Variants in MACROD2 observed in about 807,000 individuals in gnomAD.
MACROD2 encodes ADP-ribose glycohydrolase MACROD2.
Under a neutral mutation model 70.4 loss-of-function variants are expected in MACROD2, and 36 were observed. The observed-to-expected ratio is 0.51, with a 90% CI of 0.39 to 0.68. The LOEUF (loss-of-function observed/expected upper bound fraction) is 0.68, where lower values mean the gene tolerates loss of function less well. Ranked by LOEUF, MACROD2 falls within the 30% of genes least tolerant of loss-of-function variation. The probability of loss-of-function intolerance (pLI) is 0.00; values close to 1 mark genes in which losing one functional copy is unlikely to be tolerated. For synonymous variants in MACROD2, 172 were observed against 178.8 expected (o/e 0.96, Z 0.30); for missense variants, 496 against 538.4 (o/e 0.92, Z 0.78).
chr20:15,722,174 T>C (rs2050796173), intron 8 of MACROD2, among the ~76,000 whole-genome samples: 1 of 152,206 alleles, frequency 6.6e-6, no homozygotes, highest in East Asian at 1.9e-4. Context: ...AGTTTAGGGC[T>C]CTTAACTGGT....
intron 5 of MACROD2, among the ~76,000 whole-genome samples, chr20:14,748,957 T>A (rs1275488919): frequency 6.6e-6 from 1 of 152,076 alleles, no homozygotes; most frequent in African/African-American, 2.4e-5. Flanking sequence ...TTGTGTTGAT[T>A]TCAGCCACCC....
chr20:15,651,510 C>G (rs761871093), intron 8 of MACROD2, among the ~76,000 whole-genome samples: 12 of 152,138 alleles, frequency 7.9e-5, no homozygotes, highest in Non-Finnish European at 1.2e-4. Context: ...TTAAATTCGG[C>G]TTTGTGGGTT....
chr20:15,332,591 G>A (rs1458529467), intron 6 of MACROD2, among the ~76,000 whole-genome samples: 1 of 47,000 alleles, frequency 2.1e-5, no homozygotes, highest in East Asian at 3.7e-4. Flanking sequence ...TGTTCTTACA[G>A]CCCCTTTGAA....
intron 3 of MACROD2, among the ~76,000 whole-genome samples, chr20:14,153,402 G>T (rs913386632): frequency 2.0e-5 from 3 of 152,204 alleles, no homozygotes; most frequent in Non-Finnish European, 2.9e-5. Flanking sequence ...GGAAAGAGAA[G>T]TCCATCTGGG....
chr20:14,851,338 A>G (rs1166770751), intron 5 of MACROD2, among the ~76,000 whole-genome samples: 1 of 152,092 alleles, frequency 6.6e-6, no homozygotes, highest in Non-Finnish European at 1.5e-5. Flanking sequence ...GTTGCTAATG[A>G]ATTTTGGTCC....
At chr20:15,851,325 G>A (rs1000586323) in intron 8 of MACROD2, among the ~76,000 whole-genome samples, 5 of 151,894 alleles carry the variant, frequency 3.3e-5, no homozygotes, top group Admixed American at 6.6e-5. Context: ...CCATCATAAA[G>A]TACCACAGAC....
chr20:15,234,009 A>AT (rs1342277075), intron 6 of MACROD2, among the ~76,000 whole-genome samples: 9 of 39,988 alleles, frequency 2.3e-4, no homozygotes, highest in Non-Finnish European at 4.2e-4. Flanking sequence ...ATATATATAT[A>AT]TTCTTTTTTT....
At chr20:15,389,149 C>G (rs983227409) in intron 6 of MACROD2, among the ~76,000 whole-genome samples, 3 of 152,146 alleles carry the variant, frequency 2.0e-5, no homozygotes, top group East Asian at 3.9e-4. Context: ...GACATGGTAC[C>G]TGCAACCTGT....
intron 8 of MACROD2, among the ~76,000 whole-genome samples, chr20:15,670,304 C>T (rs527513078): frequency 3.9e-5 from 6 of 152,270 alleles, no homozygotes; most frequent in Admixed American, 1.3e-4. Context: ...ACATTGTCCC[C>T]GACTAATGCT....
chr20:14,778,738 G>T (rs1242216053), intron 5 of MACROD2, among the ~76,000 whole-genome samples: 1 of 152,136 alleles, frequency 6.6e-6, no homozygotes, highest in African/African-American at 2.4e-5. Flanking sequence ...TTACTGTGAA[G>T]CTTGAGCTTA....
chr20:15,742,943 C>T (rs2051126817), intron 8 of MACROD2, among the ~76,000 whole-genome samples: 1 of 152,164 alleles, frequency 6.6e-6, no homozygotes. Context: ...TTCTTGTGTA[C>T]CTTATTAAGT....
chr20:14,579,486 A>G (rs1055322352), intron 4 of MACROD2, among the ~76,000 whole-genome samples: 7 of 152,208 alleles, frequency 4.6e-5, no homozygotes, highest in Admixed American at 6.5e-5. Flanking sequence ...AGTGCAAATG[A>G]CATTTTATAA....
At chr20:15,454,039 T>C (rs2046681413) in intron 7 of MACROD2, among the ~76,000 whole-genome samples, 1 of 152,082 alleles carries the variant, frequency 6.6e-6, no homozygotes, top group Non-Finnish European at 1.5e-5. Context: ...AAAATGAATA[T>C]TGGGTTTATG....
intron 6 of MACROD2, among the ~76,000 whole-genome samples, chr20:15,261,655 A>T (rs185168708): frequency 2.0e-4 from 30 of 152,158 alleles, no homozygotes; most frequent in Admixed American, 1.4e-3. Context: ...CTGTCTTCAG[A>T]TAGAAAAGGC....
intron 3 of MACROD2, among the ~76,000 whole-genome samples, chr20:14,228,179 A>ATC (rs2081761815): frequency 1.6e-5 from 2 of 124,910 alleles, no homozygotes; most frequent in African/African-American, 6.6e-5. Context: ...ATATAGAGAG[A>ATC]GAGAGAGAGA....
chr20:15,984,836 A>G (rs534382738), intron 13 of MACROD2, among the ~76,000 whole-genome samples: 234 of 152,330 alleles, frequency 1.5e-3, no homozygotes, highest in African/African-American at 5.1e-3. Flanking sequence ...GAATTAACTT[A>G]GAATTGGTAT....
intron 5 of MACROD2, among the ~76,000 whole-genome samples, chr20:14,789,495 G>T (rs1241797970): frequency 5.0e-4 from 6 of 12,066 alleles, no homozygotes; most frequent in Non-Finnish European, 1.8e-4. Flanking sequence ...TTTTTTTTGA[G>T]ATGGAGTTTC....
intron 8 of MACROD2, among the ~76,000 whole-genome samples, chr20:15,746,433 C>T (rs1337822495): frequency 1.3e-5 from 2 of 151,588 alleles, no homozygotes; most frequent in Non-Finnish European, 2.9e-5. Context: ...TATAATCATA[C>T]TATCTTTGAA....
intron 5 of MACROD2, among the ~76,000 whole-genome samples, chr20:14,720,901 C>T (rs973478405): frequency 6.6e-6 from 1 of 151,970 alleles, no homozygotes; most frequent in Non-Finnish European, 1.5e-5. Context: ...CTTCTGCATA[C>T]ACACATAATG....
Sources: allele counts gnomAD v4.1 joint callset (sites outside exome capture counted in the v4.1 genomes callset), GRCh38; gene constraint gnomAD v4.1.1; transcripts MANE v1.5; gene names NCBI Gene and HGNC (gene_info 2026-07-23, HGNC 2026-07-21).